SMYD1: variants seen among roughly 807,000 people sequenced by gnomAD.
SMYD1 encodes the protein histone-lysine N-methyltransferase SMYD1.
In SMYD1, 49 loss-of-function variants were observed where a neutral mutation model predicts 54.0. That is an observed-to-expected ratio of 0.91 (90% confidence interval 0.72 to 1.15). The LOEUF (loss-of-function observed/expected upper bound fraction) is 1.15. SMYD1 is among the 50% of genes most tolerant of loss of function. The pLI, the probability that SMYD1 is intolerant of heterozygous loss-of-function variation, is 0.00. For missense variants in SMYD1, 653 were observed against 639.6 expected (o/e 1.02, Z -0.23); for synonymous variants, 269 against 234.2 (o/e 1.15, Z -1.36).
intron 4 of SMYD1, among the ~76,000 whole-genome samples, chr2:88,092,539 A>C (rs1376709334): frequency 6.6e-6 from 1 of 152,248 alleles, no homozygotes; most frequent in Non-Finnish European, 1.5e-5. Context: ...ATCGGGCCTA[A>C]GCTTCAATAT....
At chr2:88,099,657 A>T (rs1227428612) in intron 6 of SMYD1, among the ~76,000 whole-genome samples, 2 of 151,754 alleles carry the variant, frequency 1.3e-5, no homozygotes, top group Non-Finnish European at 2.9e-5. Context: ...CAGAAGGTGG[A>T]GGTTGCAGTG....
intron 1 of SMYD1, among the ~76,000 whole-genome samples, chr2:88,072,147 A>T (rs887279433): frequency 3.9e-5 from 6 of 151,924 alleles, no homozygotes; most frequent in African/African-American, 1.2e-4. Context: ...CTACATTATT[A>T]TTGTTATTAT....
intron 1 of SMYD1, among the ~76,000 whole-genome samples, 175 bp from the exon 2 acceptor site, chr2:88,084,141 T>C (rs763346868): frequency 2.6e-5 from 4 of 152,186 alleles, no homozygotes; most frequent in Non-Finnish European, 5.9e-5. Flanking sequence ...GTAATTGTTA[T>C]AGCTGGGAAG....
Position 88,110,390 on chromosome 2 carries a change from T to G in SMYD1, c.1351T>G (p.Phe451Val), listed in dbSNP as rs1674989776. ...GCAGACGGAGATGGAGCTACGCATG[T>G]TCCGCCAGAACGAATTCATGTACTA... ...RVQTEMELRM[F>V]RQNEFMYYKM... Residue 451 changes from phenylalanine to valine, a missense_variant, in exon 10 of 10, where the codon TTC (phenylalanine) becomes GTC (valine). Phe to Val is a conservative substitution (Grantham distance 50, BLOSUM62 -1). Transcript: ENST00000419482. 1.2e-6 allele frequency: 2 copies of G among 1,613,062 alleles called. No individual in the cohort carries two copies. Among genetic ancestry groups the G allele is most frequent in the East Asian group, 4.5e-5 (2 of 44,860 alleles).
chr2:88,072,103 A>C (rs1458942303), intron 1 of SMYD1, among the ~76,000 whole-genome samples: 1 of 151,722 alleles, frequency 6.6e-6, no homozygotes, highest in Non-Finnish European at 1.5e-5. Flanking sequence ...GATTCTGATG[A>C]GTTATAGGTG....
intron 1 of SMYD1, among the ~76,000 whole-genome samples, chr2:88,079,467 C>T (rs1674138704): frequency 6.6e-6 from 1 of 152,140 alleles, no homozygotes; most frequent in East Asian, 1.9e-4. Flanking sequence ...CCACAAGCAG[C>T]GTGGACTAAG....
intron 1 of SMYD1, among the ~76,000 whole-genome samples, chr2:88,075,496 T>C (rs1157966963): frequency 1.3e-5 from 2 of 151,608 alleles, no homozygotes; most frequent in Non-Finnish European, 2.9e-5. Context: ...AAATTGACAA[T>C]CTCCAGGCTT....
At chr2:88,081,044 A>T (rs1480058495) in intron 1 of SMYD1, among the ~76,000 whole-genome samples, 2 of 151,984 alleles carry the variant, frequency 1.3e-5, no homozygotes, top group Non-Finnish European at 2.9e-5. Context: ...CTGGGACTAC[A>T]GGTGCCCGTC....
intron 1 of SMYD1, among the ~76,000 whole-genome samples, chr2:88,077,011 C>CAAAAAAAAAAAAA (rs112988082): frequency 1.7e-5 from 2 of 117,210 alleles, no homozygotes; most frequent in African/African-American, 6.1e-5. Context: ...GACCCTGTCT[C>CAAAAAAAAAAAAA]AAAAAAAAAA....
chr2:88,068,225 A>C (rs566867570), intron 1 of SMYD1, among the ~76,000 whole-genome samples: 1 of 152,284 alleles, frequency 6.6e-6, no homozygotes, highest in African/African-American at 2.4e-5. Flanking sequence ...GAAGGTGAGC[A>C]AAGGCTTCGG....
At chr2:88,081,355 G>A (rs1016993680) in intron 1 of SMYD1, among the ~76,000 whole-genome samples, 6 of 152,076 alleles carry the variant, frequency 3.9e-5, no homozygotes, top group Non-Finnish European at 8.8e-5. Flanking sequence ...GACAAACAGA[G>A]TGGAAACTCT....
At chr2:88,106,547 G>A in intron 8 of SMYD1, 59 bp downstream of exon 8, 3 of 1,557,508 alleles carry the variant, frequency 1.9e-6, no homozygotes, top group Admixed American at 1.8e-5. Flanking sequence ...TCCAGGGATG[G>A]CAAATAGATG....
chr2:88,076,781 C>T lies in SMYD1; in HGVS notation c.138-7535C>T, dbSNP rs188335266. 2.4e-3 allele frequency among the ~76,000 whole-genome samples: 369 copies of T among 152,172 alleles called. 1 individual carries two copies. Among genetic ancestry groups the T allele is most frequent in the Non-Finnish European group, 4.6e-3 (312 of 68,008 alleles). ...CAGCATTTTGGGAAGCTGAGGCAGG[C>T]GGATCGCTTGAGCTCAAGAGTTTGA... On this transcript the variant is annotated intron_variant, in intron 1 of 9. Transcript: ENST00000419482.
At chr2:88,102,766 T>C (rs114402462) in intron 6 of SMYD1, among the ~76,000 whole-genome samples, 2,739 of 152,280 alleles carry the variant, frequency 0.018, 75 homozygotes, top group African/African-American at 0.061. Flanking sequence ...ACAATAGGGA[T>C]CAATGTCAGG....
intron 5 of SMYD1, among the ~76,000 whole-genome samples, chr2:88,095,592 T>G (rs1391283782): frequency 6.6e-6 from 1 of 152,186 alleles, no homozygotes; most frequent in Non-Finnish European, 1.5e-5. Context: ...CGGATCTCTG[T>G]GCAGATGCTC....
At chr2:88,100,027 C>T (rs1296052529) in intron 6 of SMYD1, among the ~76,000 whole-genome samples, 2 of 150,528 alleles carry the variant, frequency 1.3e-5, no homozygotes, top group Admixed American at 6.6e-5. Context: ...GATCCCCCAC[C>T]TCCTGCTCCT....
chr2:88,099,491 G>A lies in SMYD1; in HGVS notation c.888+2707G>A, dbSNP rs1351193426. ...TGTAATCCCAGAATTTCTGGAGGCC[G>A]AGGCAGGCAGATCACGAGGTCAGGA... is the stretch of plus-strand genomic sequence containing the variant. On this transcript the variant is annotated intron_variant, in intron 6 of 9. Transcript: ENST00000419482. 2.6e-5 allele frequency among the ~76,000 whole-genome samples: 4 copies of A among 152,206 alleles called. No homozygotes were observed. In the South Asian group the frequency reaches 8.3e-4, roughly 32 times the overall value.
At chr2:88,086,132 T>C (rs1287014293) in intron 2 of SMYD1, among the ~76,000 whole-genome samples, 1 of 152,224 alleles carries the variant, frequency 6.6e-6, no homozygotes, top group Non-Finnish European at 1.5e-5. Context: ...ATCTGAATGA[T>C]ACAGGTGGGT....
At chr2:88,087,256 A>G (rs1207927854) in intron 2 of SMYD1, among the ~76,000 whole-genome samples, 1 of 152,064 alleles carries the variant, frequency 6.6e-6, no homozygotes, top group Non-Finnish European at 1.5e-5. Context: ...TCACACAGTA[A>G]GAAGTGGAAA....
Sources: allele counts gnomAD v4.1 joint callset (sites outside exome capture counted in the v4.1 genomes callset), GRCh38; gene constraint gnomAD v4.1.1; transcripts MANE v1.5; gene names NCBI Gene and HGNC (gene_info 2026-07-23, HGNC 2026-07-21).